SEMA6D: variants seen among roughly 807,000 people sequenced by gnomAD.
The protein encoded by SEMA6D is semaphorin 6D.
In SEMA6D, 35 loss-of-function variants were observed where a neutral mutation model predicts 106.6. The observed-to-expected ratio is 0.33, with a 90% CI of 0.25 to 0.44. SEMA6D has a LOEUF of 0.44. Among genes scored for constraint, SEMA6D ranks in the 20% least tolerant of loss-of-function variants. The probability of loss-of-function intolerance (pLI) is 1.00; values close to 1 mark genes in which losing one functional copy is unlikely to be tolerated. For missense variants in SEMA6D, 1,185 were observed against 1,345.9 expected, an observed-to-expected ratio of 0.88 and a Z score of 1.87; for synonymous variants, 499 against 487.7, an observed-to-expected ratio of 1.02 and a Z score of -0.31.
intron 3 of SEMA6D, among the ~76,000 whole-genome samples, chr15:47,560,927 A>G (rs1026545811): frequency 6.6e-6 from 1 of 152,116 alleles, no homozygotes; most frequent in African/African-American, 2.4e-5. Flanking sequence ...CACATCCCTC[A>G]TAATGAACCA....
At chr15:47,476,205 G>A (rs1006559504) in intron 3 of SEMA6D, among the ~76,000 whole-genome samples, 9 of 152,164 alleles carry the variant, frequency 5.9e-5, no homozygotes, top group Non-Finnish European at 1.3e-4. Context: ...GGAATTAGTT[G>A]AAGCATAGAT....
intron 1 of SEMA6D, among the ~76,000 whole-genome samples, chr15:47,371,658 G>T (rs182167458): frequency 6.6e-6 from 1 of 151,844 alleles, no homozygotes; most frequent in Non-Finnish European, 1.5e-5. Context: ...GTTGACCCTC[G>T]CGTGCCATGT....
chr15:47,309,349 T>C (rs1402643014), intron 1 of SEMA6D, among the ~76,000 whole-genome samples: 1 of 152,206 alleles, frequency 6.6e-6, no homozygotes, highest in African/African-American at 2.4e-5. Flanking sequence ...TTTTGTCCAT[T>C]GTATCCTTGC....
At position 47,502,986 on chromosome 15, in the gene SEMA6D, A is replaced by C. The variant is rs73388976; in HGVS notation, c.-87+32441A>C. On this transcript the variant is annotated intron_variant, in intron 3 of 19. Coordinates refer to the SEMA6D transcript ENST00000558014. ...TTTTGTGTTTTCATTTTGACACTTGATATGAAATATCAGTAAATATAAGTG... is the reference window on the plus strand; with the variant it reads ...TTTTGTGTTTTCATTTTGACACTTGCTATGAAATATCAGTAAATATAAGTG... Among the ~76,000 whole-genome samples, 1,305 of 152,334 alleles carry C rather than the reference A, an allele frequency of 8.6e-3. 21 individuals are homozygous for C. The highest frequency in any genetic ancestry group is 0.03 in the African/African-American group (1,258 of 41,574).
intron 4 of SEMA6D, among the ~76,000 whole-genome samples, chr15:47,665,631 G>A (rs1224430912): frequency 6.6e-6 from 1 of 152,140 alleles, no homozygotes; most frequent in Non-Finnish European, 1.5e-5. Context: ...CCAACATGGT[G>A]AAATCCCGTC....
intron 1 of SEMA6D, among the ~76,000 whole-genome samples, chr15:47,312,227 G>A (rs1033137206): frequency 6.7e-5 from 10 of 148,684 alleles, no homozygotes; most frequent in African/African-American, 2.5e-4. Context: ...AGCTCCTTCT[G>A]TCTTTTTGTG....
At chr15:47,662,224 C>A (rs1229945734) in intron 4 of SEMA6D, among the ~76,000 whole-genome samples, 3 of 151,708 alleles carry the variant, frequency 2.0e-5, no homozygotes, top group Non-Finnish European at 2.9e-5. Context: ...CATCCCCTCA[C>A]CCCCCACCCC....
rs2082327182 is a variant in SEMA6D, at chr15:47,766,180, G to A, written c.1644G>A (p.Met548Ile). The change falls in exon 15 of 19, where the codon ATG (methionine) becomes ATA (isoleucine). Residue 548 changes from methionine (M) to isoleucine (I), a missense_variant and splice_region_variant. Around this residue, in one of 3 missense-constraint regions of SEMA6D, gnomAD observed 750 missense variants for 783.5 expected, o/e 0.96. Transcript: ENST00000536845. ...QGSCGRVTPG[M>I]LAEGYEQDTE... Reference sequence around the variant, plus strand: ...CCTGTGGTAGAGTGACCCCAGGGATGCTGTAAGTATACTTTGTCACATGAG... The same window carrying A: ...CCTGTGGTAGAGTGACCCCAGGGATACTGTAAGTATACTTTGTCACATGAG... 1 of 1,612,036 alleles carries A rather than the reference G, an allele frequency of 6.2e-7. No homozygotes were observed. The highest frequency in any genetic ancestry group is 1.7e-5 in the Admixed American group (1 of 59,968).
rs1261648099 is a variant in SEMA6D, at chr15:47,229,506, G to A, written c.-239+45088G>A. On this transcript the variant is annotated intron_variant, in intron 1 of 19. Coordinates refer to the SEMA6D transcript ENST00000558014. ...ATACAGGTTGTGAGGGTGTGCTGGT[G>A]TGCAGATATTGGCTCAGTCTGTCAC... Among the ~76,000 whole-genome samples, 3 of 151,972 alleles carry A rather than the reference G, an allele frequency of 2.0e-5. No individual in the cohort carries two copies. The East Asian group carries it at 5.8e-4, about 29-fold the overall frequency.
chr15:47,715,592 T>C (rs551190388), upstream of SEMA6D, among the ~76,000 whole-genome samples: 1 of 152,166 alleles, frequency 6.6e-6, no homozygotes, highest in Non-Finnish European at 1.5e-5. Context: ...TCACTGATAA[T>C]GTAGACTGAA....
At chr15:47,326,110 G>GA (rs1397095570) in intron 1 of SEMA6D, among the ~76,000 whole-genome samples, 1 of 152,048 alleles carries the variant, frequency 6.6e-6, no homozygotes, top group Non-Finnish European at 1.5e-5. Context: ...CATTGGAGGG[G>GA]AAAAACTACA....
At chr15:47,479,373 G>T (rs1212142878) in intron 3 of SEMA6D, among the ~76,000 whole-genome samples, 1 of 152,048 alleles carries the variant, frequency 6.6e-6, no homozygotes, top group Non-Finnish European at 1.5e-5. Context: ...TCAGTAAGAG[G>T]CAGGCTTGAT....
At chr15:47,624,010 G>T (rs1237713720) in intron 4 of SEMA6D, among the ~76,000 whole-genome samples, 3 of 152,172 alleles carry the variant, frequency 2.0e-5, no homozygotes. Flanking sequence ...CTCCCCGTGA[G>T]CTGGCCCTGC....
chr15:47,260,932 A>T (rs1218098069), intron 1 of SEMA6D, among the ~76,000 whole-genome samples: 1 of 152,070 alleles, frequency 6.6e-6, no homozygotes, highest in Non-Finnish European at 1.5e-5. Context: ...GAGGGTGGGT[A>T]GGCTTTTTCT....
chr15:47,766,250 C>A, intron 15 of SEMA6D, 68 bp downstream of exon 15: 5 of 1,348,940 alleles, frequency 3.7e-6, no homozygotes, highest in South Asian at 2.6e-5. Flanking sequence ...CTAGAAATTG[C>A]AGAAAACTTC....
chr15:47,233,877 C>CTCT (rs1246525093), intron 1 of SEMA6D, among the ~76,000 whole-genome samples: 1 of 151,832 alleles, frequency 6.6e-6, no homozygotes, highest in Non-Finnish European at 1.5e-5. Context: ...GTAGTTTTAC[C>CTCT]TCTTCTTTTT....
At chr15:47,351,396 A>G (rs1461739182) in intron 1 of SEMA6D, among the ~76,000 whole-genome samples, 3 of 152,126 alleles carry the variant, frequency 2.0e-5, no homozygotes, top group Non-Finnish European at 4.4e-5. Context: ...TTTTGTTTCT[A>G]TTTTAACAAT....
chr15:47,632,426 CATTTGTTT>C (rs2144537153), intron 4 of SEMA6D, among the ~76,000 whole-genome samples: 1 of 148,872 alleles, frequency 6.7e-6, no homozygotes, highest in Non-Finnish European at 1.5e-5. Context: ...TATAATTGTG[CATTTGTTT>C]ATTTCTCCTT....
chr15:47,439,837 T>G (rs2041829111), intron 2 of SEMA6D, among the ~76,000 whole-genome samples: 2 of 152,028 alleles, frequency 1.3e-5, no homozygotes, highest in Admixed American at 1.3e-4. Flanking sequence ...CTGCAAAAAA[T>G]TTTTCCAGAA....
Sources: gnomAD v4.1 joint callset for allele counts (sites outside exome capture counted in the v4.1 genomes callset) on GRCh38, gnomAD v4.1.1 for gene constraint, gnomAD v4.1.1 regional missense constraint, MANE v1.5 for transcripts, NCBI Gene and HGNC (gene_info 2026-07-23, HGNC 2026-07-21) for gene names.